ZNF507: variants seen among roughly 807,000 people sequenced by gnomAD.
ZNF507 encodes zinc finger protein 507.
ZNF507 carries 29 observed loss-of-function variants against 80.0 expected under a neutral mutation model. That is an observed-to-expected ratio of 0.36 (90% CI 0.27 to 0.49). The LOEUF (loss-of-function observed/expected upper bound fraction) is 0.49, where lower values mean the gene tolerates loss of function less well. ZNF507 is among the 20% of genes least tolerant of loss of function. ZNF507 has a pLI of 0.98. For missense variants in ZNF507, 1,081 were observed against 1,152.2 expected, an observed-to-expected ratio of 0.94 and a Z score of 0.90; for synonymous variants, 462 against 422.5, an observed-to-expected ratio of 1.09 and a Z score of -1.15.
chr19:32,379,599 C>G (rs1386388899), intron 5 of ZNF507, among the ~76,000 whole-genome samples: 1 of 152,106 alleles, frequency 6.6e-6, no homozygotes, highest in East Asian at 1.9e-4. Flanking sequence ...AATAACTTTT[C>G]TATGTATATA....
intron 5 of ZNF507, among the ~76,000 whole-genome samples, chr19:32,380,794 G>A (rs1967613303): frequency 6.6e-6 from 1 of 152,116 alleles, no homozygotes; most frequent in Non-Finnish European, 1.5e-5. Flanking sequence ...AAAAACTTGG[G>A]CTTTCCTTAT....
intron 2 of ZNF507, among the ~76,000 whole-genome samples, chr19:32,350,631 A>T (rs970979082): frequency 1.3e-5 from 2 of 151,862 alleles, no homozygotes; most frequent in African/African-American, 4.9e-5. Flanking sequence ...GAAAGATAAC[A>T]TGAGTCACCT....
rs760444699 is a variant in ZNF507 at position 32,384,177 on chromosome 19, T to G, written c.*1094T>G. ...ACTAAAATATAGCAGAAATTCAGGT[T>G]GTTTGTAAAAATTTTAATAACAAAT... On this transcript the variant is annotated 3_prime_UTR_variant, in exon 7 of 7. Transcript: ENST00000355898. The G allele has an allele frequency of 5.9e-5, 9 of 152,152 alleles. No individual in the cohort carries two copies. The highest frequency in any genetic ancestry group is 1.2e-4 in the Non-Finnish European group (8 of 68,036). 9.4% of individuals were successfully genotyped at this position (152,152 alleles called of 1,614,324 possible).
At position 32,383,166 on chromosome 19, in the gene ZNF507, T is replaced by C; in HGVS notation, c.*83T>C. 1 of 1,501,372 alleles carries C rather than the reference T, an allele frequency of 6.7e-7. No homozygotes were observed. The highest frequency in any genetic ancestry group is 2.5e-4 in the Middle Eastern group (1 of 4,052). The allele number at this position is 1,501,372 out of a possible 1,614,324, so 93.0% of individuals were successfully genotyped here. On this transcript the variant is annotated 3_prime_UTR_variant, in exon 7 of 7. Transcript: ENST00000355898. Reference sequence around the variant, plus strand: ...ACCTTTACGCTGTCAGACAACTTCCTGCCACAGAAGAAGTCGTTGATGTGA... The same window carrying C: ...ACCTTTACGCTGTCAGACAACTTCCCGCCACAGAAGAAGTCGTTGATGTGA...
chr19:32,367,485 T>C (rs1967414206), intron 5 of ZNF507, among the ~76,000 whole-genome samples: 1 of 152,248 alleles, frequency 6.6e-6, no homozygotes, highest in Admixed American at 6.5e-5. Context: ...CTTTCTACTT[T>C]CTTAATGATG....
chr19:32,360,848 T>G (rs1434040470), intron 5 of ZNF507, among the ~76,000 whole-genome samples: 2 of 152,094 alleles, frequency 1.3e-5, no homozygotes, highest in African/African-American at 4.8e-5. Flanking sequence ...CACAGCTCAC[T>G]GCAGCCTCGA....
chr19:32,352,273 A>G (rs189876061), intron 2 of ZNF507, among the ~76,000 whole-genome samples: 14 of 152,292 alleles, frequency 9.2e-5, no homozygotes, highest in Non-Finnish European at 1.5e-4. Context: ...CTACATGACT[A>G]TAGTTTCACA....
intron 1 of ZNF507, among the ~76,000 whole-genome samples, chr19:32,346,072 C>T (rs1967093685): frequency 6.6e-6 from 1 of 152,224 alleles, no homozygotes. Flanking sequence ...CCAGGCGTTG[C>T]TTCTTTCTGC....
In ZNF507 at chr19:32,382,433, C is replaced by T. The variant is rs374575149; in HGVS notation, c.2361-34C>T. 521 of 1,608,040 alleles carry T rather than the reference C, an allele frequency of 3.2e-4. 2 individuals carry two copies. Among genetic ancestry groups the T allele is most frequent in the Non-Finnish European group, 1.1e-4 (134 of 1,176,710 alleles). ...TAATTTTTCACTGATGTTATGGGACCGTTCTGATTTTCCCTTGCCTGCCTG... is the reference window on the plus strand; with the variant it reads ...TAATTTTTCACTGATGTTATGGGACTGTTCTGATTTTCCCTTGCCTGCCTG... On this transcript the variant is annotated intron_variant, in intron 5 of 6. Coordinates refer to ENST00000355898, the MANE Select transcript of ZNF507 (RefSeq NM_001136156.2).
chr19:32,372,436 C>T (rs1165971659), intron 5 of ZNF507, among the ~76,000 whole-genome samples: 1 of 152,102 alleles, frequency 6.6e-6, no homozygotes, highest in Non-Finnish European at 1.5e-5. Flanking sequence ...GCAAGGGGCT[C>T]TGATAGCATG....
At chr19:32,350,966 G>A (rs1967154813) in intron 2 of ZNF507, among the ~76,000 whole-genome samples, 1 of 152,162 alleles carries the variant, frequency 6.6e-6, no homozygotes. Flanking sequence ...TCACAAAAGG[G>A]TTTTTCTAAG....
At chr19:32,375,962 GT>G in intron 5 of ZNF507, among the ~76,000 whole-genome samples, 1 of 151,290 alleles carries the variant, frequency 6.6e-6, no homozygotes, top group Middle Eastern at 3.4e-3. Flanking sequence ...TATAAACTGT[GT>G]TCTCAGAAGC....
intron 5 of ZNF507, among the ~76,000 whole-genome samples, chr19:32,362,644 A>G (rs952085299): frequency 6.6e-6 from 1 of 152,238 alleles, no homozygotes; most frequent in Non-Finnish European, 1.5e-5. Flanking sequence ...TCATTTTGAT[A>G]GCTGTCAGTG....
At chr19:32,381,583 G>C (rs1181617633) in intron 5 of ZNF507, among the ~76,000 whole-genome samples, 3 of 152,030 alleles carry the variant, frequency 2.0e-5, no homozygotes, top group African/African-American at 7.3e-5. Flanking sequence ...ACTCCAGCCT[G>C]GGAGACAGAG....
intron 5 of ZNF507, among the ~76,000 whole-genome samples, chr19:32,371,466 G>A (rs1418829795): frequency 3.2e-4 from 39 of 121,586 alleles, no homozygotes; most frequent in Non-Finnish European, 5.6e-4. Context: ...CAACAAAAGC[G>A]AAACTCCCAT....
intron 5 of ZNF507, among the ~76,000 whole-genome samples, chr19:32,368,078 T>G (rs533679423): frequency 6.6e-6 from 1 of 152,152 alleles, no homozygotes; most frequent in East Asian, 1.9e-4. Flanking sequence ...TTGCTCCTAA[T>G]AACTGTGTCA....
chr19:32,352,786 TC>T, intron 2 of ZNF507, 42 bp from the exon 3 acceptor site: 1 of 1,498,366 alleles, frequency 6.7e-7, no homozygotes, highest in South Asian at 1.4e-5. Context: ...CCTGTAATTA[TC>T]CTGTAACCTG....
intron 5 of ZNF507, among the ~76,000 whole-genome samples, chr19:32,372,495 T>C (rs753218477): frequency 1.3e-5 from 2 of 152,118 alleles, no homozygotes; most frequent in African/African-American, 2.4e-5. Context: ...GGCGTTTTTT[T>C]CAGCTGTCAG....
intron 5 of ZNF507, among the ~76,000 whole-genome samples, chr19:32,372,696 T>C (rs1967490631): frequency 6.6e-6 from 1 of 151,662 alleles, no homozygotes; most frequent in Non-Finnish European, 1.5e-5. Flanking sequence ...AGTCCAGTCT[T>C]GGAAGAGCAG....
Sources: allele counts gnomAD v4.1 joint callset (sites outside exome capture counted in the v4.1 genomes callset), GRCh38; gene constraint gnomAD v4.1.1; transcripts MANE v1.5; gene names NCBI Gene and HGNC (gene_info 2026-07-23, HGNC 2026-07-21).